Variants in DAB1 observed in about 807,000 individuals in gnomAD.
DAB1 encodes DAB adaptor protein 1.
In DAB1, 15 loss-of-function variants were observed where a neutral mutation model predicts 64.6. The observed-to-expected ratio is 0.23, with a 90% confidence interval of 0.16 to 0.36. The LOEUF (loss-of-function observed/expected upper bound fraction) is 0.36, where lower values mean the gene tolerates loss of function less well. DAB1 is among the 10% of genes least tolerant of loss of function. The pLI, the probability that DAB1 is intolerant of heterozygous loss-of-function variation, is 1.00. For missense variants in DAB1, 596 were observed against 706.7 expected, an observed-to-expected ratio of 0.84 and a Z score of 1.78; for synonymous variants, 235 against 251.9, an observed-to-expected ratio of 0.93 and a Z score of 0.64.
At chr1:58,045,955 G>T (rs1647238720) in intron 5 of DAB1, among the ~76,000 whole-genome samples, 1 of 142,862 alleles carries the variant, frequency 7.0e-6, no homozygotes, top group Non-Finnish European at 1.5e-5. Flanking sequence ...TTTTTTTTTG[G>T]AGCCTCTGTT....
At chr1:57,343,581 C>A (rs1283979035) in intron 1 of DAB1, among the ~76,000 whole-genome samples, 1 of 152,210 alleles carries the variant, frequency 6.6e-6, no homozygotes. Flanking sequence ...GCTGCAGGTC[C>A]CGAGCCCTGC....
chr1:58,354,620 G>A (rs576149866), intron 3 of DAB1, among the ~76,000 whole-genome samples: 1 of 152,224 alleles, frequency 6.6e-6, no homozygotes, highest in Non-Finnish European at 1.5e-5. Flanking sequence ...TGTCTGAGAG[G>A]GTGGATTCAG....
At chr1:58,019,637 T>C (rs988832759) in intron 5 of DAB1, among the ~76,000 whole-genome samples, 5 of 152,226 alleles carry the variant, frequency 3.3e-5, no homozygotes, top group Admixed American at 1.3e-4. Context: ...CCCAACAGGA[T>C]GTGACTTGCT....
rs185972703 is a variant in DAB1 at position 57,021,940 on chromosome 1, C to T, written c.895+1591G>A. Among the ~76,000 whole-genome samples the T allele has an allele frequency of 1.8e-3, 271 of 152,266 alleles. 2 individuals are homozygous for T. The highest frequency in any genetic ancestry group is 2.7e-3 in the Non-Finnish European group (181 of 68,022). Reference sequence around the variant, plus strand: ...GTGACTACAGGGGCTCCACTTACACCTGCCCTCTGCCTGCACTCAAAAGCC... The same window carrying T: ...GTGACTACAGGGGCTCCACTTACACTTGCCCTCTGCCTGCACTCAAAAGCC... On this transcript the variant is annotated intron_variant, in intron 11 of 14. Transcript: ENST00000371236.
rs563622542 is a variant in DAB1, at chr1:57,610,014, A to G, written n.625+39578T>C. Among the ~76,000 whole-genome samples the G allele has an allele frequency of 2.3e-4, 35 of 152,304 alleles. No homozygotes were observed. The South Asian group carries it at 6.8e-3, about 30-fold the overall frequency. On this transcript the variant is annotated intron_variant and non_coding_transcript_variant, in intron 7 of 20. Transcript: ENST00000485760. ...GCACCCACTAATTGCCGGGTACTGG[A>G]CTAGAATCCTCTGCTGGCATGCTGC...
chr1:57,884,749 G>A (rs373564366), upstream of DAB1, among the ~76,000 whole-genome samples: 7 of 152,328 alleles, frequency 4.6e-5, no homozygotes, highest in African/African-American at 1.7e-4. Flanking sequence ...TGGAGGTGAG[G>A]CCTAATGGCA....
Position 57,395,480 on chromosome 1 carries a change from C to T in DAB1, c.-137+28450G>A, listed in dbSNP as rs1682730445. ...GGAAACGTAAAGAAGGAATGAACAC[C>T]CCTTGAGCCACTACCACAAGCCAAG... On this transcript the variant is annotated intron_variant, in intron 1 of 14. Transcript: ENST00000371236. Among the ~76,000 whole-genome samples, 2 of 152,110 alleles carry T rather than the reference C, an allele frequency of 1.3e-5. 1 individual carries two copies. The highest frequency in any genetic ancestry group is 1.3e-4 in the Admixed American group (2 of 15,276).
chr1:58,520,565 T>C (rs1190185656), intron 2 of DAB1, among the ~76,000 whole-genome samples: 3 of 152,148 alleles, frequency 2.0e-5, no homozygotes, highest in Non-Finnish European at 4.4e-5. Context: ...ACAACAGCAA[T>C]GTTCTGTTTA....
At chr1:57,390,068 G>A (rs971824643) in intron 1 of DAB1, among the ~76,000 whole-genome samples, 18 of 152,220 alleles carry the variant, frequency 1.2e-4, no homozygotes, top group Admixed American at 2.0e-4. Context: ...GCTCTTATAA[G>A]TGGCACTGTT....
intron 6 of DAB1, among the ~76,000 whole-genome samples, chr1:57,761,624 CT>C (rs1649090834): frequency 6.6e-6 from 1 of 152,226 alleles, no homozygotes; most frequent in African/African-American, 2.4e-5. Flanking sequence ...CTCATTCCCC[CT>C]CCCCTCTAAA....
In DAB1 at chr1:57,464,130, T is replaced by C. The variant is rs1046834266; in HGVS notation, n.626-172964A>G. On this transcript the variant is annotated intron_variant and non_coding_transcript_variant, in intron 7 of 20. Coordinates refer to the DAB1 transcript ENST00000485760. ...TAAATACTGAACTAAATGCTCTACA[T>C]GGATTTTCAAATTAATCCTTAAAGA... Among the ~76,000 whole-genome samples the C allele has an allele frequency of 1.2e-4, 18 of 152,342 alleles. No individual in the cohort carries two copies. The East Asian group carries it at 3.3e-3, about 28-fold the overall frequency.
At chr1:57,390,657 G>C (rs900006250) in intron 1 of DAB1, among the ~76,000 whole-genome samples, 10 of 152,184 alleles carry the variant, frequency 6.6e-5, no homozygotes, top group African/African-American at 2.4e-4. Context: ...GGCCTATAAA[G>C]ATGAATTCAG....
chr1:58,355,927 C>T (rs1421266852), intron 3 of DAB1, among the ~76,000 whole-genome samples: 3 of 152,192 alleles, frequency 2.0e-5, no homozygotes, highest in Non-Finnish European at 4.4e-5. Flanking sequence ...CTACCAATCC[C>T]TCTAATCTCT....
At chr1:57,839,606 T>A (rs527488735) in intron 1 of DAB1, among the ~76,000 whole-genome samples, 2 of 152,362 alleles carry the variant, frequency 1.3e-5, no homozygotes, top group Non-Finnish European at 2.9e-5. Context: ...ATATGGCAGC[T>A]ATTAGCAACC....
intron 4 of DAB1, among the ~76,000 whole-genome samples, chr1:58,227,202 G>A (rs1659539629): frequency 6.6e-6 from 1 of 152,302 alleles, no homozygotes; most frequent in South Asian, 2.1e-4. Context: ...ACAGAAGAAA[G>A]GTTCAAAGAA....
At chr1:57,318,185 A>T (rs1055283480) in intron 1 of DAB1, among the ~76,000 whole-genome samples, 11 of 147,240 alleles carry the variant, frequency 7.5e-5, no homozygotes, top group Non-Finnish European at 1.3e-4. Flanking sequence ...AATCCCAGGG[A>T]AGACTTTGAT....
intron 12 of DAB1, among the ~76,000 whole-genome samples, chr1:57,013,635 C>G (rs1162652498): frequency 6.6e-6 from 1 of 151,820 alleles, no homozygotes; most frequent in Admixed American, 6.6e-5. Flanking sequence ...TTTTTTTTGA[C>G]AGTTCACAGT....
At chr1:57,432,713 T>C (rs1012708846) in intron 7 of DAB1, among the ~76,000 whole-genome samples, 3 of 152,194 alleles carry the variant, frequency 2.0e-5, no homozygotes, top group Non-Finnish European at 4.4e-5. Context: ...GTCCCCTCTA[T>C]TATTTAAGGT....
At chr1:57,728,739 C>T (rs907356851) in intron 6 of DAB1, among the ~76,000 whole-genome samples, 1 of 152,126 alleles carries the variant, frequency 6.6e-6, no homozygotes. Flanking sequence ...AAACTATTTT[C>T]AAAAGAAACC....
Sources: allele counts gnomAD v4.1 joint callset (sites outside exome capture counted in the v4.1 genomes callset), GRCh38; gene constraint gnomAD v4.1.1; transcripts MANE v1.5; gene names NCBI Gene and HGNC (gene_info 2026-07-23, HGNC 2026-07-21).